NIPSNAP2: variants seen among roughly 807,000 people sequenced by gnomAD.
NIPSNAP2 encodes nipsnap homolog 2, also known as protein NipSnap homolog 2.
A neutral mutation model predicts 48.4 loss-of-function variants in NIPSNAP2; 42 were observed. That is an observed-to-expected ratio of 0.87 (90% confidence interval 0.68 to 1.12). The LOEUF is 1.12. NIPSNAP2 is among the 50% of genes most tolerant of loss of function. The pLI is 0.00. For synonymous variants in NIPSNAP2, 158 were observed against 126.6 expected (o/e 1.25, Z -1.67); for missense variants, 314 against 347.3 (o/e 0.90, Z 0.76).
intron 3 of NIPSNAP2, chr7:55,980,936 T>G (rs556545265): frequency 6.6e-6 from 1 of 152,524 alleles, no homozygotes; most frequent in East Asian, 1.9e-4. Flanking sequence ...TATGTTGTGT[T>G]CCAGCTGTCT....
In NIPSNAP2 at chr7:55,980,119, C is replaced by T. The variant is rs78351908; in HGVS notation, c.279-1354C>T. Reference sequence around the variant, plus strand: ...AAGGAAATGTTGGACATACATTTCCCTAGCAGAATCCCTCTTTCCCTGTCC... The same window carrying T: ...AAGGAAATGTTGGACATACATTTCCTTAGCAGAATCCCTCTTTCCCTGTCC... On this transcript the variant is annotated intron_variant, in intron 3 of 9. Transcript: ENST00000322090. 1,435 of 208,770 alleles carry T rather than the reference C, an allele frequency of 6.9e-3. 21 individuals carry two copies. Among genetic ancestry groups the T allele is most frequent in the African/African-American group, 0.031 (1,367 of 44,674 alleles). 12.9% of individuals were successfully genotyped at this position (208,770 alleles called of 1,614,324 possible).
intron 1 of NIPSNAP2, among the ~76,000 whole-genome samples, chr7:55,965,603 G>A (rs1584335165): frequency 6.6e-6 from 1 of 151,928 alleles, no homozygotes; most frequent in Admixed American, 6.6e-5. Flanking sequence ...TTTTTGAGAC[G>A]GAGTTTTGCT....
intron 1 of NIPSNAP2, among the ~76,000 whole-genome samples, chr7:55,966,495 C>G (rs988336575): frequency 1.3e-5 from 2 of 151,548 alleles, no homozygotes. Context: ...TTTTTTAAAC[C>G]ATAGGAAGCC....
intron 6 of NIPSNAP2, 111 bp downstream of exon 6, chr7:55,983,979 T>TTATGTGTATA (rs150298305): frequency 3.5e-6 from 2 of 579,504 alleles, no homozygotes; most frequent in South Asian, 3.1e-5. Flanking sequence ...ATGTCTAGCA[T>TTATGTGTATA]TATATGTATA....
intron 8 of NIPSNAP2, 137 bp downstream of exon 8, chr7:55,995,125 G>A (rs148446589): frequency 3.2e-4 from 223 of 704,740 alleles, no homozygotes; most frequent in African/African-American, 3.0e-3. Flanking sequence ...AGTCTGTACG[G>A]GGCTGTCTGG....
chr7:55,974,216 C>A (rs2116337512), intron 1 of NIPSNAP2, among the ~76,000 whole-genome samples: 1 of 150,780 alleles, frequency 6.6e-6, no homozygotes, highest in East Asian at 2.0e-4. Context: ...TGAGACCCTG[C>A]CTCAAAAATA....
chr7:55,968,905 G>A (rs1383065258), intron 1 of NIPSNAP2, among the ~76,000 whole-genome samples: 1 of 151,848 alleles, frequency 6.6e-6, no homozygotes, highest in East Asian at 1.9e-4. Context: ...CATTTAGCAG[G>A]GTGTGGTGGT....
At position 55,981,505 on chromosome 7, in the gene NIPSNAP2, A is replaced by C; in HGVS notation, c.311A>C (p.Lys104Thr). The change falls in exon 4 of 10, where the codon AAA becomes ACA. Residue 104 changes from lysine to threonine, a missense_variant. Coordinates refer to ENST00000322090, the MANE Select transcript of NIPSNAP2 (RefSeq NM_001483.3). Reference protein sequence around the residue: ...QEVLPKIHEDKHYPCTLVGTW... With the variant: ...QEVLPKIHEDTHYPCTLVGTW... ...GTGTTGCCAAAGATTCACGAAGATA[A>C]ACACTACCCTTGTACTTTGGTGGGG... The C allele has an allele frequency of 6.2e-7, 1 of 1,613,958 alleles. No individual in the cohort carries two copies. The highest frequency in any genetic ancestry group is 1.1e-5 in the South Asian group (1 of 91,058).
At chr7:55,998,493 G>GTTATT (rs1787614188) in intron 9 of NIPSNAP2, among the ~76,000 whole-genome samples, 2 of 63,188 alleles carry the variant, frequency 3.2e-5, no homozygotes, top group Non-Finnish European at 5.9e-5. Flanking sequence ...GGTAGGATCT[G>GTTATT]TTTTTTTTTT....
rs148888779 is a variant in NIPSNAP2, at chr7:55,987,297, A to G, written c.617+2419A>G. Reference sequence around the variant, plus strand: ...GCTTTATTTGCAGTAGCCAAGAGGTAGAAACAACCCACATATCCATCAATA... The same window carrying G: ...GCTTTATTTGCAGTAGCCAAGAGGTGGAAACAACCCACATATCCATCAATA... On this transcript the variant is annotated intron_variant, in intron 7 of 9. Coordinates refer to ENST00000322090, the MANE Select transcript of NIPSNAP2 (RefSeq NM_001483.3). Among the ~76,000 whole-genome samples the G allele has an allele frequency of 1.3e-3, 194 of 152,298 alleles. 2 individuals are homozygous for G. The highest frequency in any genetic ancestry group is 4.4e-3 in the African/African-American group (181 of 41,580).
intron 6 of NIPSNAP2, 68 bp from the exon 7 acceptor site, chr7:55,984,779 C>T (rs1013504224): frequency 8.7e-7 from 1 of 1,145,368 alleles, no homozygotes; most frequent in Middle Eastern, 2.1e-4. Context: ...TTTTCTACTG[C>T]TGTTTGCTAT....
chr7:55,971,787 A>G (rs1442854237), intron 1 of NIPSNAP2, among the ~76,000 whole-genome samples: 1 of 152,148 alleles, frequency 6.6e-6, no homozygotes, highest in East Asian at 1.9e-4. Flanking sequence ...TATACATAAT[A>G]TATGTTTGCC....
chr7:55,986,658 A>G (rs1157626287), intron 7 of NIPSNAP2, among the ~76,000 whole-genome samples: 3 of 152,044 alleles, frequency 2.0e-5, no homozygotes, highest in Non-Finnish European at 4.4e-5. Context: ...GACTGTTTCA[A>G]AACAAAACAA....
chr7:55,989,527 G>A (rs1787399985), intron 7 of NIPSNAP2, among the ~76,000 whole-genome samples: 1 of 152,110 alleles, frequency 6.6e-6, no homozygotes, highest in South Asian at 2.1e-4. Flanking sequence ...TCTGGAGGCT[G>A]AGCAGGAAGA....
At chr7:55,968,447 G>A (rs1407646994) in intron 1 of NIPSNAP2, among the ~76,000 whole-genome samples, 1 of 151,550 alleles carries the variant, frequency 6.6e-6, no homozygotes, top group Non-Finnish European at 1.5e-5. Flanking sequence ...GTGCAGTGGG[G>A]TGATCTCGGC....
Position 55,964,687 on chromosome 7 carries a change from C to T in NIPSNAP2, c.78C>T (p.Leu26=), listed in dbSNP as rs1786853408. The change falls in exon 1 of 10, where the codon CTC becomes CTT. Residue 26 remains leucine, a synonymous_variant. Coordinates refer to ENST00000322090, the MANE Select transcript of NIPSNAP2 (RefSeq NM_001483.3). The part of the protein sequence containing the change: ...GLLQRAAPCS[L]LPRLRTWTSS... Reference sequence around the variant, plus strand: ...TGCAGCGGGCGGCCCCCTGCAGCCTCCTGCCCAGGCTCCGGTGAGCAGCGC... The same window carrying T: ...TGCAGCGGGCGGCCCCCTGCAGCCTTCTGCCCAGGCTCCGGTGAGCAGCGC... The T allele has an allele frequency of 8.9e-7, 1 of 1,122,530 alleles. No individual in the cohort carries two copies. The highest frequency in any genetic ancestry group is 1.7e-5 in the African/African-American group (1 of 60,604). 69.5% of individuals were successfully genotyped at this position (1,122,530 alleles called of 1,614,324 possible).
intron 8 of NIPSNAP2, among the ~76,000 whole-genome samples, chr7:55,997,131 G>C (rs1787577785): frequency 6.6e-6 from 1 of 151,336 alleles, no homozygotes; most frequent in Admixed American, 6.6e-5. Flanking sequence ...TGCGCTCCAG[G>C]CTGGTTGACA....
At chr7:55,993,293 TA>T (rs56857177) in intron 7 of NIPSNAP2, among the ~76,000 whole-genome samples, 386 of 136,434 alleles carry the variant, frequency 2.8e-3, no homozygotes, top group Middle Eastern at 0.012. Flanking sequence ...AGACTCCGTC[TA>T]AAAAAAAAAA....
chr7:55,990,553 ATGTG>A (rs1014654203), intron 7 of NIPSNAP2, among the ~76,000 whole-genome samples: 1 of 151,678 alleles, frequency 6.6e-6, no homozygotes, highest in Non-Finnish European at 1.5e-5. Context: ...TTAGGGGGAG[ATGTG>A]TGTGTTTATT....
Sources: gnomAD v4.1 joint callset for allele counts (sites outside exome capture counted in the v4.1 genomes callset) on GRCh38, gnomAD v4.1.1 for gene constraint, MANE v1.5 for transcripts, NCBI Gene and HGNC (gene_info 2026-07-23, HGNC 2026-07-21) for gene names.